Variants in PPP1R2 observed in about 807,000 individuals in gnomAD.
The protein encoded by PPP1R2 is protein phosphatase inhibitor 2.
In PPP1R2, 16 loss-of-function variants were observed where a neutral mutation model predicts 29.9. That is an observed-to-expected ratio of 0.53 (90% CI 0.36 to 0.81). The LOEUF (loss-of-function observed/expected upper bound fraction) is 0.81, where lower values mean the gene tolerates loss of function less well. PPP1R2 is among the 30% of genes least tolerant of loss of function. The pLI is 0.00. For synonymous variants in PPP1R2, 76 were observed against 91.5 expected (o/e 0.83, Z 0.96); for missense variants, 197 against 252.7 (o/e 0.78, Z 1.49).
In PPP1R2 at chr3:195,542,895, A is replaced by G; in HGVS notation, c.122+9T>C. On this transcript the variant is annotated intron_variant, in intron 1 of 5. Coordinates refer to ENST00000618156, the MANE Select transcript of PPP1R2 (RefSeq NM_006241.8). ...GAGGGGCTCCCAGGCCGTCCCTCCC[A>G]GCGCTCACCTCAGCTCCTCGTCGAC... is the stretch of plus-strand genomic sequence containing the variant. 1 of 1,597,096 alleles carries G rather than the reference A, an allele frequency of 6.3e-7. No individual in the cohort carries two copies. The highest frequency in any genetic ancestry group is 8.5e-7 in the Non-Finnish European group (1 of 1,172,120).
chr3:195,525,159 G>T (rs1718917845), intron 2 of PPP1R2, among the ~76,000 whole-genome samples: 1 of 152,014 alleles, frequency 6.6e-6, no homozygotes, highest in South Asian at 2.1e-4. Context: ...CCACATCCAT[G>T]AATTCAACCG....
intron 4 of PPP1R2, among the ~76,000 whole-genome samples, chr3:195,521,262 C>T (rs1317292052): frequency 1.6e-5 from 2 of 121,674 alleles, no homozygotes; most frequent in African/African-American, 3.3e-5. Flanking sequence ...TTGCAGTGAG[C>T]GAAGATCGCG....
intron 1 of PPP1R2, among the ~76,000 whole-genome samples, chr3:195,533,145 G>A (rs943456597): frequency 6.6e-6 from 1 of 152,032 alleles, no homozygotes; most frequent in Non-Finnish European, 1.5e-5. Flanking sequence ...TTAGGCGCTC[G>A]AGACCAGCCT....
intron 1 of PPP1R2, among the ~76,000 whole-genome samples, chr3:195,531,782 G>C (rs1400581669): frequency 6.6e-6 from 1 of 152,120 alleles, no homozygotes; most frequent in Non-Finnish European, 1.5e-5. Context: ...ACATCATTGT[G>C]CAAGCATCAC....
chr3:195,532,235 A>C (rs1217001133), intron 1 of PPP1R2, among the ~76,000 whole-genome samples: 2 of 31,542 alleles, frequency 6.3e-5, no homozygotes, highest in East Asian at 1.3e-3. Flanking sequence ...TTTTTTTTTT[A>C]CAGGTGGAGT....
intron 1 of PPP1R2, 79 bp from the exon 2 acceptor site, chr3:195,529,980 T>C: frequency 9.9e-7 from 1 of 1,014,854 alleles, no homozygotes; most frequent in Non-Finnish European, 1.5e-6. Flanking sequence ...AATGTCCAAA[T>C]TTAACATTTC....
At chr3:195,523,379 C>T (rs114548059) in intron 4 of PPP1R2, among the ~76,000 whole-genome samples, 2,602 of 152,318 alleles carry the variant, frequency 0.017, 69 homozygotes, top group African/African-American at 0.058. Context: ...ACCGTCCAAA[C>T]GCTCAATGAC....
chr3:195,534,336 AAATT>A (rs1282242119), intron 1 of PPP1R2, among the ~76,000 whole-genome samples: 12 of 152,238 alleles, frequency 7.9e-5, no homozygotes, highest in African/African-American at 2.4e-4. Flanking sequence ...GAAAAAGAAA[AAATT>A]ATTAAGGAGA....
chr3:195,537,238 A>C (rs1314148682), intron 1 of PPP1R2, among the ~76,000 whole-genome samples: 1 of 152,054 alleles, frequency 6.6e-6, no homozygotes, highest in East Asian at 1.9e-4. Context: ...ATGACTGTAT[A>C]AGATTCATTT....
At chr3:195,527,988 T>C (rs1025787739) in intron 2 of PPP1R2, 2 of 306,160 alleles carry the variant, frequency 6.5e-6, no homozygotes, top group Admixed American at 9.6e-5. Flanking sequence ...ATTGTTTTTC[T>C]TCCCCTCAAT....
Position 195,514,573 on chromosome 3 carries a change from G to A in PPP1R2, c.*2323C>T, listed in dbSNP as rs1234668703. The A allele has an allele frequency of 6.6e-6, 1 of 152,164 alleles. No homozygotes were observed. Among genetic ancestry groups the A allele is most frequent in the South Asian group, 2.1e-4 (1 of 4,828 alleles). 9.4% of individuals were successfully genotyped at this position (152,164 alleles called of 1,614,324 possible). On this transcript the variant is annotated 3_prime_UTR_variant, in exon 6 of 6. Coordinates refer to ENST00000618156, the MANE Select transcript of PPP1R2 (RefSeq NM_006241.8). ...CTTAACAATCCATTTACACCATTAT[G>A]TCAAATTTTAGTCATCTCTGCAGAA...
rs571774810 is a variant in PPP1R2 at position 195,527,981 on chromosome 3, G to C, written c.230+1813C>G. ...TTTTTTAACTAATTGTAATTTTATTGTTTTTCTTCCCCTCAATTTATTTTT... is the reference window on the plus strand; with the variant it reads ...TTTTTTAACTAATTGTAATTTTATTCTTTTTCTTCCCCTCAATTTATTTTT... On this transcript the variant is annotated intron_variant, in intron 2 of 5. Transcript: ENST00000618156. 8.3e-5 allele frequency: 24 copies of C among 290,796 alleles called. 1 individual carries two copies. The highest frequency in any genetic ancestry group is 6.3e-4 in the South Asian group (22 of 34,764). The allele number at this position is 290,796 out of a possible 1,614,324, so 18.0% of individuals were successfully genotyped here. A position where few individuals can be genotyped will look rare whatever the true frequency, so the allele number is the denominator to read the frequency against.
intron 1 of PPP1R2, among the ~76,000 whole-genome samples, chr3:195,537,213 T>TTTC (rs151265114): frequency 0.8 from 122,023 of 151,746 alleles, 49,320 homozygotes; most frequent in East Asian, 0.99. Context: ...TTGCTTGTGT[T>TTTC]TTTTTACCTT....
At chr3:195,533,968 C>G (rs900453899) in intron 1 of PPP1R2, among the ~76,000 whole-genome samples, 1 of 152,168 alleles carries the variant, frequency 6.6e-6, no homozygotes, top group Admixed American at 6.6e-5. Context: ...AGAGAAGCAG[C>G]TTCTGCCAAC....
intron 2 of PPP1R2, chr3:195,528,806 T>A (rs1038230378): frequency 7.1e-6 from 1 of 141,396 alleles, no homozygotes; most frequent in Non-Finnish European, 1.5e-5. Context: ...CACCTCTGCC[T>A]CTGTAATCTC....
chr3:195,519,824 A>T (rs1182689637), intron 4 of PPP1R2, among the ~76,000 whole-genome samples: 1 of 151,938 alleles, frequency 6.6e-6, no homozygotes, highest in Non-Finnish European at 1.5e-5. Context: ...CACCATAGAA[A>T]CATAAAGCTG....
At chr3:195,533,289 G>A (rs564751145) in intron 1 of PPP1R2, among the ~76,000 whole-genome samples, 2 of 151,128 alleles carry the variant, frequency 1.3e-5, no homozygotes, top group Non-Finnish European at 2.9e-5. Flanking sequence ...GGGTTGCAGT[G>A]AGCAGAGATC....
intron 3 of PPP1R2, 56 bp from the exon 4 acceptor site, chr3:195,523,842 C>G (rs114354549): frequency 2.1e-6 from 3 of 1,412,814 alleles, no homozygotes; most frequent in East Asian, 4.6e-5. Context: ...ATTATTTAAG[C>G]GCCTTATTCA....
At chr3:195,531,337 A>T (rs902394545) in intron 1 of PPP1R2, among the ~76,000 whole-genome samples, 1 of 152,216 alleles carries the variant, frequency 6.6e-6, no homozygotes, top group Non-Finnish European at 1.5e-5. Flanking sequence ...AATCAATGTA[A>T]ATGTTACACT....
Sources: allele counts gnomAD v4.1 joint callset (sites outside exome capture counted in the v4.1 genomes callset), GRCh38; gene constraint gnomAD v4.1.1; transcripts MANE v1.5; gene names NCBI Gene and HGNC (gene_info 2026-07-23, HGNC 2026-07-21).